Variants in EFHC1 observed in about 807,000 individuals in gnomAD.
EFHC1 encodes the protein EF-hand domain containing 1.
A neutral mutation model predicts 69.9 loss-of-function variants in EFHC1; 53 were observed. That is an observed-to-expected ratio of 0.76 (90% CI 0.61 to 0.95). EFHC1 has a LOEUF of 0.95. Among genes scored for constraint, EFHC1 ranks in the 40% least tolerant of loss-of-function variants. The probability of loss-of-function intolerance (pLI) is 0.00; values close to 1 mark genes in which losing one functional copy is unlikely to be tolerated. For synonymous variants in EFHC1, 256 were observed against 278.4 expected (o/e 0.92, Z 0.80); for missense variants, 739 against 798.7 (o/e 0.93, Z 0.90).
intron 2 of EFHC1, among the ~76,000 whole-genome samples, chr6:52,430,793 G>A (rs543187643): frequency 1.3e-5 from 2 of 152,038 alleles, no homozygotes; most frequent in East Asian, 1.9e-4. Flanking sequence ...GTTTTTCTTT[G>A]AATATCTGGT....
intron 3 of EFHC1, among the ~76,000 whole-genome samples, chr6:52,441,740 T>C (rs1425392644): frequency 3.9e-5 from 6 of 152,192 alleles, no homozygotes; most frequent in Non-Finnish European, 8.8e-5. Context: ...GAGCATGTAA[T>C]GTTTTTTCAT....
intron 7 of EFHC1, among the ~76,000 whole-genome samples, chr6:52,472,591 G>A (rs1765460434): frequency 6.6e-6 from 1 of 151,652 alleles, no homozygotes; most frequent in Admixed American, 6.6e-5. Flanking sequence ...AATATTTTAG[G>A]TGTTACATAC....
At chr6:52,451,686 G>T (rs1318640109) in intron 3 of EFHC1, among the ~76,000 whole-genome samples, 1 of 152,164 alleles carries the variant, frequency 6.6e-6, no homozygotes, top group Non-Finnish European at 1.5e-5. Flanking sequence ...GGCCTCTCTA[G>T]CGAGGTTGAG....
At chr6:52,432,277 TAA>T (rs557577222) in intron 2 of EFHC1, among the ~76,000 whole-genome samples, 83 of 152,288 alleles carry the variant, frequency 5.5e-4, no homozygotes, top group African/African-American at 1.9e-3. Context: ...TTTTTGTTTT[TAA>T]TTGTATTTTT....
intron 3 of EFHC1, among the ~76,000 whole-genome samples, chr6:52,450,269 A>C (rs961800569): frequency 7.9e-5 from 12 of 152,192 alleles, no homozygotes; most frequent in African/African-American, 2.7e-4. Flanking sequence ...GATGAGAATA[A>C]CGTATACTCT....
chr6:52,446,612 G>A (rs1191159921), intron 3 of EFHC1, among the ~76,000 whole-genome samples: 1 of 152,152 alleles, frequency 6.6e-6, no homozygotes, highest in Non-Finnish European at 1.5e-5. Context: ...TATGATGTTA[G>A]ATGGTTATTT....
intron 3 of EFHC1, 112 bp downstream of exon 3, chr6:52,438,703 G>T: frequency 9.1e-7 from 1 of 1,097,866 alleles, no homozygotes. Flanking sequence ...TGTCCTGCAT[G>T]AATTATTATG....
chr6:52,465,068 T>A lies in EFHC1; in HGVS notation c.1090T>A (p.Leu364Ile), dbSNP rs143751828. ...YYKEKFGITDLPRIDVSKREP... is the reference protein window; with the variant it reads ...YYKEKFGITDIPRIDVSKREP... ...CAAAGAGAAGTTTGGAATCACTGAT[T>A]TACCACGTATTGATGTGAGCAAGCG... Residue 364 changes from leucine (L) to isoleucine (I), a missense_variant, in exon 6 of 11, where the codon TTA becomes ATA. Leu to Ile is a conservative substitution (Grantham distance 5). Transcript: ENST00000371068. 6 of 1,613,980 alleles carry A rather than the reference T, an allele frequency of 3.7e-6. No individual in the cohort carries two copies. The African/African-American group carries it at 8.0e-5, about 22-fold the overall frequency.
intron 2 of EFHC1, among the ~76,000 whole-genome samples, chr6:52,426,453 T>G (rs1481264996): frequency 1.3e-5 from 2 of 152,180 alleles, no homozygotes; most frequent in Non-Finnish European, 2.9e-5. Flanking sequence ...AACTTACAAG[T>G]ATTTTCAAGG....
intron 9 of EFHC1, chr6:52,485,612 A>C (rs1350806667): frequency 6.6e-6 from 1 of 152,152 alleles, no homozygotes; most frequent in African/African-American, 2.4e-5. Context: ...CCATTCTCAT[A>C]GGAATGAGTT....
chr6:52,489,280 T>C (rs1765847902), intron 9 of EFHC1: 1 of 152,220 alleles, frequency 6.6e-6, no homozygotes, highest in East Asian at 1.9e-4. Context: ...TGGAGTGGGA[T>C]GTGAGTGCTA....
chr6:52,474,248 C>T (rs896124536), intron 7 of EFHC1, among the ~76,000 whole-genome samples: 5 of 152,144 alleles, frequency 3.3e-5, no homozygotes, highest in African/African-American at 7.2e-5. Context: ...CCCAGGAGTT[C>T]GAAGCTGTAG....
In EFHC1 at chr6:52,495,305, C is replaced by A. The variant is rs897670966; in HGVS notation, c.*2964C>A. 6.6e-6 allele frequency: 3 copies of A among 453,976 alleles called. No homozygotes were observed. Among genetic ancestry groups the A allele is most frequent in the Non-Finnish European group, 1.3e-5 (3 of 226,792 alleles). The allele number at this position is 453,976 out of a possible 1,614,324, so 28.1% of individuals were successfully genotyped here. A position where few individuals can be genotyped will look rare whatever the true frequency, so the allele number is the denominator to read the frequency against. The stretch of plus-strand genomic sequence containing the variant: ...CTCCAGGGGACAGACACATGTCAAA[C>A]CCTGAGTCTTTTAAAGTATACCCTC... On this transcript the variant is annotated 3_prime_UTR_variant, in exon 11 of 11. Coordinates refer to ENST00000371068, the MANE Select transcript of EFHC1 (RefSeq NM_018100.4).
rs370878982 is a variant in EFHC1 at position 52,444,703 on chromosome 6, G to A, written c.573+6112G>A. On this transcript the variant is annotated intron_variant, in intron 3 of 10. Transcript: ENST00000371068. ...GGATTCGGTTTGCCAGTATTTTATGGAGGATTTTTGCATCGATGTTTATCA... is the reference window on the plus strand; with the variant it reads ...GGATTCGGTTTGCCAGTATTTTATGAAGGATTTTTGCATCGATGTTTATCA... 3.3e-5 allele frequency among the ~76,000 whole-genome samples: 5 copies of A among 152,286 alleles called. No individual in the cohort carries two copies. The East Asian group carries it at 7.7e-4, about 24-fold the overall frequency.
chr6:52,429,512 G>T (rs1764372638), intron 2 of EFHC1, among the ~76,000 whole-genome samples: 1 of 152,066 alleles, frequency 6.6e-6, no homozygotes, highest in Admixed American at 6.6e-5. Flanking sequence ...TAAGTATTTG[G>T]CTTTATTTCT....
chr6:52,445,620 C>G (rs1475117458), intron 3 of EFHC1, among the ~76,000 whole-genome samples: 1 of 152,092 alleles, frequency 6.6e-6, no homozygotes, highest in East Asian at 1.9e-4. Context: ...TGTGTTTGCT[C>G]TTGCTTCTCT....
At chr6:52,441,309 A>G (rs932056590) in intron 3 of EFHC1, among the ~76,000 whole-genome samples, 2 of 151,908 alleles carry the variant, frequency 1.3e-5, no homozygotes, top group Admixed American at 6.6e-5. Context: ...GTTGATTTTT[A>G]TATCTGGTGT....
intron 2 of EFHC1, among the ~76,000 whole-genome samples, chr6:52,438,010 T>C (rs930053289): frequency 2.0e-5 from 3 of 152,234 alleles, no homozygotes; most frequent in Non-Finnish European, 4.4e-5. Flanking sequence ...AAAATTTAAA[T>C]TTTTATAATT....
chr6:52,420,835 C>T (rs1187187550), intron 1 of EFHC1, among the ~76,000 whole-genome samples: 2 of 152,028 alleles, frequency 1.3e-5, no homozygotes, highest in Non-Finnish European at 2.9e-5. Context: ...ACCCTACTCC[C>T]AACCTATCTC....
Sources: allele counts gnomAD v4.1 joint callset (sites outside exome capture counted in the v4.1 genomes callset), GRCh38; gene constraint gnomAD v4.1.1; transcripts MANE v1.5; gene names NCBI Gene and HGNC (gene_info 2026-07-23, HGNC 2026-07-21).